PUS10: variants seen among roughly 807,000 people sequenced by gnomAD.
PUS10 encodes the protein tRNA pseudouridine synthase Pus10.
In PUS10, 59 loss-of-function variants were observed where a neutral mutation model predicts 75.0. That is an observed-to-expected ratio of 0.79 (90% CI 0.64 to 0.98). The LOEUF is 0.98. Ranked by LOEUF, PUS10 falls within the 50% of genes least tolerant of loss-of-function variation. The pLI, the probability that PUS10 is intolerant of heterozygous loss-of-function variation, is 0.00. For synonymous variants in PUS10, 219 were observed against 211.6 expected (o/e 1.03, Z -0.30); for missense variants, 650 against 614.4 (o/e 1.06, Z -0.61).
intron 3 of PUS10, among the ~76,000 whole-genome samples, 162 bp downstream of exon 3, chr2:61,008,599 G>C (rs1488666654): frequency 6.6e-6 from 1 of 152,164 alleles, no homozygotes; most frequent in Non-Finnish European, 1.5e-5. Context: ...GTTGGAGGCT[G>C]CAGTCAGCTG....
intron 4 of PUS10, among the ~76,000 whole-genome samples, chr2:61,005,520 A>G (rs933685672): frequency 1.3e-5 from 2 of 152,122 alleles, no homozygotes; most frequent in Non-Finnish European, 2.9e-5. Flanking sequence ...TCTTATTCCT[A>G]TTTGTTTCTC....
intron 4 of PUS10, among the ~76,000 whole-genome samples, chr2:60,979,102 A>AACACAT (rs61436873): frequency 0.2 from 29,714 of 149,222 alleles, 3,604 homozygotes; most frequent in East Asian, 0.4. Flanking sequence ...CTCTTCTCCC[A>AACACAT]ACACATACAC....
chr2:60,973,411 C>T (rs1403879216), intron 4 of PUS10, among the ~76,000 whole-genome samples: 1 of 152,248 alleles, frequency 6.6e-6, no homozygotes, highest in African/African-American at 2.4e-5. Context: ...GCTCCCTGAC[C>T]TCTCCCTGCT....
chr2:61,009,038 AG>A, intron 2 of PUS10, 23 bp from the exon 3 acceptor site: 1 of 1,595,532 alleles, frequency 6.3e-7, no homozygotes, highest in Non-Finnish European at 8.5e-7. Flanking sequence ...TGAAAGAAAA[AG>A]TAATGACCCA....
chr2:60,960,255 G>A (rs1260429728), intron 11 of PUS10, 137 bp downstream of exon 11: 1 of 565,112 alleles, frequency 1.8e-6, no homozygotes, highest in East Asian at 3.6e-5. Flanking sequence ...AAGGTGGGCA[G>A]ATCGTTTGAG....
intron 4 of PUS10, among the ~76,000 whole-genome samples, chr2:60,977,142 G>A (rs546893172): frequency 3.9e-4 from 60 of 152,134 alleles, no homozygotes; most frequent in South Asian, 8.3e-4. Context: ...GTCTATGCCC[G>A]GGAATGGTGT....
At chr2:60,979,188 T>C (rs1677231203) in intron 4 of PUS10, among the ~76,000 whole-genome samples, 1 of 152,128 alleles carries the variant, frequency 6.6e-6, no homozygotes, top group African/African-American at 2.4e-5. Context: ...TTTATGTAAT[T>C]TTTTCTTGCA....
chr2:60,945,148 T>TCTTC, intron 16 of PUS10, 40 bp from the exon 17 acceptor site: 2 of 1,258,658 alleles, frequency 1.6e-6, no homozygotes, highest in Non-Finnish European at 2.3e-6. Flanking sequence ...CAGCATGCTG[T>TCTTC]ACCAACTATT....
chr2:61,009,831 A>G (rs1277180764), intron 2 of PUS10: 1 of 152,334 alleles, frequency 6.6e-6, no homozygotes, highest in African/African-American at 2.4e-5. Context: ...GTAAAGGGAA[A>G]AAATCTTTCA....
chr2:61,016,848 T>C (rs1211855144), intron 1 of PUS10, among the ~76,000 whole-genome samples: 1 of 152,146 alleles, frequency 6.6e-6, no homozygotes, highest in East Asian at 1.9e-4. Flanking sequence ...CCGAAGGGTG[T>C]CATTCGTAAC....
At chr2:60,995,525 A>C (rs1678397981) in intron 4 of PUS10, among the ~76,000 whole-genome samples, 1 of 152,244 alleles carries the variant, frequency 6.6e-6, no homozygotes, top group Admixed American at 6.5e-5. Context: ...TCTACGCAAC[A>C]AGAAAAACCT....
At chr2:61,012,189 T>C (rs1385433571) in intron 1 of PUS10, among the ~76,000 whole-genome samples, 1 of 152,110 alleles carries the variant, frequency 6.6e-6, no homozygotes, top group Non-Finnish European at 1.5e-5. Context: ...ATAAAAATAA[T>C]CAAGAATGGT....
rs1396786963 is a variant in PUS10 at position 60,954,968 on chromosome 2, A to T, written c.1057+50T>A. Reference sequence around the variant, plus strand: ...ATGCTAAGCCTGCTGTCTAGAAAGGATGATAATCAGAAAGTTAGTTCTAAT... The same window carrying T: ...ATGCTAAGCCTGCTGTCTAGAAAGGTTGATAATCAGAAAGTTAGTTCTAAT... On this transcript the variant is annotated intron_variant, in intron 12 of 17. Transcript: ENST00000316752. The T allele has an allele frequency of 3.2e-6, 4 of 1,250,400 alleles. No individual in the cohort carries two copies. In the Admixed American group the frequency reaches 6.0e-5, roughly 19 times the overall value. 77.5% of individuals were successfully genotyped at this position (1,250,400 alleles called of 1,614,324 possible).
chr2:60,967,523 C>T lies in PUS10; in HGVS notation c.594G>A (p.Leu198=), dbSNP rs756308645. Residue 198 remains leucine, a synonymous_variant, in exon 6 of 18, where the codon CTG becomes CTA. Transcript: ENST00000316752. ...ATACCTTTCCATCAATGGGAACACC[C>T]AGTTCCTCTGAAAACAGGGGGTGAG... is the stretch of plus-strand genomic sequence containing the variant. ...WITHPLFSEE[L]GVPIDGKSLF... The T allele has an allele frequency of 6.2e-7, 1 of 1,603,214 alleles. No homozygotes were observed. The highest frequency in any genetic ancestry group is 1.7e-5 in the Admixed American group (1 of 59,244).
At chr2:60,988,089 A>C (rs1677838121) in intron 4 of PUS10, among the ~76,000 whole-genome samples, 1 of 151,392 alleles carries the variant, frequency 6.6e-6, no homozygotes, top group African/African-American at 2.4e-5. Context: ...ACTCCGTCTA[A>C]AATAAATAAA....
chr2:60,955,043 A>C lies in PUS10; in HGVS notation c.1032T>G (p.Asp344Glu), dbSNP rs749490317. Residue 344 changes from aspartate (D) to glutamate (E), a missense_variant, in exon 12 of 18, where the codon GAT becomes GAG. Transcript: ENST00000316752. ...SFNFSSSGREDVDVRTLGNGR... is the reference protein window; with the variant it reads ...SFNFSSSGREEVDVRTLGNGR... ...CATTTCCTAATGTTCTCACATCTAC[A>C]TCTTCTCTTCCAGAGGATGAAAAAT... The C allele has an allele frequency of 1.3e-6, 2 of 1,597,772 alleles. No individual in the cohort carries two copies. Among genetic ancestry groups the C allele is most frequent in the Non-Finnish European group, 1.7e-6 (2 of 1,172,302 alleles).
intron 4 of PUS10, among the ~76,000 whole-genome samples, chr2:60,986,835 T>C (rs555487656): frequency 2.6e-5 from 4 of 152,306 alleles, no homozygotes; most frequent in African/African-American, 9.6e-5. Flanking sequence ...TCAAGCTCTC[T>C]CTCCTACTTA....
intron 11 of PUS10, among the ~76,000 whole-genome samples, chr2:60,957,186 T>C (rs1675729439): frequency 6.6e-6 from 1 of 152,106 alleles, no homozygotes; most frequent in South Asian, 2.1e-4. Flanking sequence ...AAAACTTGGT[T>C]GAGTTTTTTC....
rs1242781575 is a variant in PUS10 at position 60,948,060 on chromosome 2, C to A, written c.1434G>T (p.Leu478Phe). ...AAGGATACGTGCCAGCCTGAGTTTT[C>A]AAGTGGAGGCGGAAGTGGTGCTCAT... ...YVDEHHFRLH[L>F]KTQAGTYIKE... The change falls in exon 16 of 18, where the codon TTG becomes TTT. Residue 478 changes from leucine to phenylalanine, a missense_variant. Transcript: ENST00000316752. 1 of 1,614,054 alleles carries A rather than the reference C, an allele frequency of 6.2e-7. No homozygotes were observed. Among genetic ancestry groups the A allele is most frequent in the Non-Finnish European group, 8.5e-7 (1 of 1,180,010 alleles).
Sources: gnomAD v4.1 joint callset for allele counts (sites outside exome capture counted in the v4.1 genomes callset) on GRCh38, gnomAD v4.1.1 for gene constraint, MANE v1.5 for transcripts, NCBI Gene and HGNC (gene_info 2026-07-23, HGNC 2026-07-21) for gene names.